The following QRICH1 variants were observed in gnomAD, a reference collection of about 807,000 sequenced individuals.
The protein encoded by QRICH1 is glutamine rich 1, also known as transcriptional regulator QRICH1.
A neutral mutation model predicts 87.1 loss-of-function variants in QRICH1; 16 were observed. The ratio of observed to expected loss-of-function variants is 0.18; its 90% CI spans 0.12 to 0.28. The LOEUF (loss-of-function observed/expected upper bound fraction) is 0.28, where lower values mean the gene tolerates loss of function less well. QRICH1 is among the 10% of genes least tolerant of loss of function. QRICH1 has a pLI of 1.00. For missense variants in QRICH1, 647 were observed against 951.7 expected, an observed-to-expected ratio of 0.68 and a Z score of 4.21; for synonymous variants, 367 against 368.4, an observed-to-expected ratio of 1.00 and a Z score of 0.05.
At chr3:49,069,810 T>C (rs1450088227) in intron 2 of QRICH1, among the ~76,000 whole-genome samples, 1 of 151,992 alleles carries the variant, frequency 6.6e-6, no homozygotes, top group Non-Finnish European at 1.5e-5. Flanking sequence ...GCAGTAACAA[T>C]TATCATCAAA....
chr3:49,033,069 CCA>C, intron 7 of QRICH1, 49 bp downstream of exon 7: 1 of 1,335,924 alleles, frequency 7.5e-7, no homozygotes, highest in African/African-American at 1.5e-5. Context: ...TGGATAGCTT[CCA>C]CACTCTTCAC....
At chr3:49,081,409 TC>T (rs1455530466) in intron 1 of QRICH1, among the ~76,000 whole-genome samples, 1 of 147,542 alleles carries the variant, frequency 6.8e-6, no homozygotes. Flanking sequence ...AGAGTGAGAC[TC>T]CATCTTAAAA....
intron 1 of QRICH1, among the ~76,000 whole-genome samples, chr3:49,092,844 G>A (rs964377149): frequency 6.6e-6 from 1 of 152,144 alleles, no homozygotes; most frequent in African/African-American, 2.4e-5. Context: ...TTTCAAAAAA[G>A]GTAAAGCACT....
chr3:49,050,694 A>C lies in QRICH1; in HGVS notation c.1339-3448T>G, dbSNP rs567678299. Among the ~76,000 whole-genome samples, 16 of 150,570 alleles carry C rather than the reference A, an allele frequency of 1.1e-4. 1 individual carries two copies. The highest frequency in any genetic ancestry group is 2.1e-4 in the South Asian group (1 of 4,734). On this transcript the variant is annotated intron_variant, in intron 3 of 9. Transcript: ENST00000395443. ...CACTGACTAATCCAAGGATCACAAA[A>C]AACAACAACAACAACAACAACAACA...
intron 6 of QRICH1, among the ~76,000 whole-genome samples, chr3:49,034,489 C>T (rs1028434380): frequency 3.3e-5 from 5 of 151,858 alleles, no homozygotes; most frequent in Non-Finnish European, 7.4e-5. Flanking sequence ...CGCTCTGTCA[C>T]CCAAGCTAGA....
At chr3:49,068,942 A>C (rs904080569) in intron 2 of QRICH1, among the ~76,000 whole-genome samples, 16 of 151,504 alleles carry the variant, frequency 1.1e-4, no homozygotes, top group African/African-American at 3.9e-4. Context: ...AACTTGGCTA[A>C]AATTTAAAGT....
intron 1 of QRICH1, among the ~76,000 whole-genome samples, chr3:49,085,429 G>A (rs1158611981): frequency 1.3e-5 from 2 of 151,862 alleles, no homozygotes; most frequent in Non-Finnish European, 2.9e-5. Context: ...AATTCTGGTT[G>A]ATCATAGTAC....
At chr3:49,069,537 G>C (rs1428858349) in intron 2 of QRICH1, among the ~76,000 whole-genome samples, 2 of 137,722 alleles carry the variant, frequency 1.5e-5, no homozygotes, top group Non-Finnish European at 3.0e-5. Context: ...AGATCCATGG[G>C]GGGGAATTTT....
intron 6 of QRICH1, chr3:49,033,519 G>A (rs1164424911): frequency 7.5e-6 from 2 of 266,976 alleles, no homozygotes. Context: ...AGGGCAAAAA[G>A]ACTGCCCTCA....
At chr3:49,065,079 T>C (rs2093459621) in intron 2 of QRICH1, among the ~76,000 whole-genome samples, 1 of 151,526 alleles carries the variant, frequency 6.6e-6, no homozygotes, top group African/African-American at 2.4e-5. Context: ...TCATGAAAAA[T>C]AACTATTTGC....
rs1037106818 is a variant in QRICH1, at chr3:49,064,972, G to GT, written c.310-7083dup. On this transcript the variant is annotated intron_variant, in intron 2 of 9. Transcript: ENST00000395443. ...GCAGAGGTTGCAGTGAGCGGAGATCGTGTCACTCATGCCAGCCTGGGGGAC... is the reference window on the plus strand; with the variant it reads ...GCAGAGGTTGCAGTGAGCGGAGATCGTTGTCACTCATGCCAGCCTGGGGGAC... Among the ~76,000 whole-genome samples the GT allele has an allele frequency of 1.1e-4, 16 of 152,152 alleles. No individual in the cohort carries two copies. The East Asian group carries it at 2.5e-3, about 24-fold the overall frequency.
chr3:49,086,112 C>G (rs1476838457), intron 1 of QRICH1, among the ~76,000 whole-genome samples: 1 of 151,140 alleles, frequency 6.6e-6, no homozygotes, highest in Non-Finnish European at 1.5e-5. Context: ...CTTCTAAACG[C>G]TTTTAAATAT....
chr3:49,088,850 C>T (rs924396868), intron 1 of QRICH1, among the ~76,000 whole-genome samples: 2 of 151,384 alleles, frequency 1.3e-5, no homozygotes, highest in Admixed American at 6.6e-5. Context: ...TCTCCAACTC[C>T]GGGGCTCAAG....
chr3:49,075,593 T>C (rs1352749895), intron 2 of QRICH1, among the ~76,000 whole-genome samples: 1 of 152,076 alleles, frequency 6.6e-6, no homozygotes, highest in Non-Finnish European at 1.5e-5. Flanking sequence ...ATGGCTCCAT[T>C]GCATTCTAGC....
Position 49,077,083 on chromosome 3 carries a change from G to A in QRICH1, c.-21-45C>T, listed in dbSNP as rs1181770791. ...AAAATTATGTTACTGTTTTTAGCAG[G>A]AAATGCCCAGAAGCAATTACCCTTG... On this transcript the variant is annotated intron_variant, in intron 1 of 9. Transcript: ENST00000395443. 8 of 1,252,078 alleles carry A rather than the reference G, an allele frequency of 6.4e-6. No individual in the cohort carries two copies. In the East Asian group the frequency reaches 1.3e-4, roughly 20 times the overall value. 77.6% of individuals were successfully genotyped at this position (1,252,078 alleles called of 1,614,324 possible). A position where few individuals can be genotyped will look rare whatever the true frequency, so the allele number is the denominator to read the frequency against.
intron 1 of QRICH1, among the ~76,000 whole-genome samples, chr3:49,088,324 T>C (rs367685661): frequency 2.9e-4 from 44 of 152,224 alleles, no homozygotes; most frequent in African/African-American, 1.0e-3. Flanking sequence ...AGACGAAGTC[T>C]CGTTTTCTCA....
intron 6 of QRICH1, among the ~76,000 whole-genome samples, chr3:49,042,592 G>A (rs1021958598): frequency 2.7e-5 from 4 of 148,136 alleles, no homozygotes; most frequent in African/African-American, 9.9e-5. Context: ...TTTTTTTTTT[G>A]AGACGGAGTC....
intron 1 of QRICH1, among the ~76,000 whole-genome samples, chr3:49,084,017 G>T (rs1049856519): frequency 2.0e-5 from 3 of 152,000 alleles, no homozygotes; most frequent in African/African-American, 7.2e-5. Context: ...GGCCAAGCTG[G>T]TCTTGAACTC....
intron 2 of QRICH1, among the ~76,000 whole-genome samples, chr3:49,069,104 A>ATT (rs201458261): frequency 6.5e-4 from 67 of 103,070 alleles, no homozygotes; most frequent in South Asian, 2.5e-3. Context: ...TATTATTATT[A>ATT]TTATTTTTTT....
Sources: allele counts gnomAD v4.1 joint callset (sites outside exome capture counted in the v4.1 genomes callset), GRCh38; gene constraint gnomAD v4.1.1; transcripts MANE v1.5; gene names NCBI Gene and HGNC (gene_info 2026-07-23, HGNC 2026-07-21).